Variants in LIPN observed in about 807,000 individuals in gnomAD.
LIPN encodes the protein lipase family member N, also known as lipase member N.
LIPN carries 32 observed loss-of-function variants against 43.7 expected under a neutral mutation model. That is an observed-to-expected ratio of 0.73 (90% CI 0.55 to 0.98). The LOEUF (loss-of-function observed/expected upper bound fraction) is 0.98. Among genes scored for constraint, LIPN ranks in the 50% least tolerant of loss-of-function variants. The pLI, the probability that LIPN is intolerant of heterozygous loss-of-function variation, is 0.00. For synonymous variants in LIPN, 156 were observed against 157.6 expected, an observed-to-expected ratio of 0.99 and a Z score of 0.08; for missense variants, 505 against 483.8, an observed-to-expected ratio of 1.04 and a Z score of -0.41.
intron 9 of LIPN, among the ~76,000 whole-genome samples, chr10:88,776,127 G>A (rs1234984974): frequency 6.6e-6 from 1 of 151,878 alleles, no homozygotes; most frequent in Non-Finnish European, 1.5e-5. Context: ...TCTAAATATA[G>A]GACGTTTATA....
intron 5 of LIPN, among the ~76,000 whole-genome samples, chr10:88,767,049 G>A (rs1004428477): frequency 1.4e-4 from 22 of 151,936 alleles, no homozygotes; most frequent in Non-Finnish European, 5.9e-5. Flanking sequence ...AGGTATTTTG[G>A]AAAGAAATCA....
intron 3 of LIPN, among the ~76,000 whole-genome samples, chr10:88,763,029 A>C (rs905152223): frequency 2.0e-5 from 3 of 152,038 alleles, no homozygotes; most frequent in Admixed American, 6.6e-5. Context: ...GCAGCTGCTT[A>C]CCGTGTTCAT....
intron 4 of LIPN, among the ~76,000 whole-genome samples, chr10:88,765,951 G>A (rs1262183675): frequency 6.6e-6 from 1 of 151,894 alleles, no homozygotes; most frequent in African/African-American, 2.4e-5. Flanking sequence ...GGAGTCAGAA[G>A]TAGAGGCACA....
chr10:88,760,785 T>C (rs1161620437), intron 1 of LIPN, among the ~76,000 whole-genome samples: 1 of 152,148 alleles, frequency 6.6e-6, no homozygotes, highest in Non-Finnish European at 1.5e-5. Context: ...CATTTGACTG[T>C]AGCACTTATA....
chr10:88,771,958 G>T (rs1187838609), intron 7 of LIPN, among the ~76,000 whole-genome samples: 2 of 151,794 alleles, frequency 1.3e-5, no homozygotes, highest in Non-Finnish European at 2.9e-5. Flanking sequence ...TTTAACTGGA[G>T]TGAGATAGTA....
At chr10:88,757,556 C>A (rs1842941504), upstream of LIPN, among the ~76,000 whole-genome samples, 1 of 152,086 alleles carries the variant, frequency 6.6e-6, no homozygotes, top group Non-Finnish European at 1.5e-5. Flanking sequence ...TTTGTCACTT[C>A]TCTCTTCTAT....
intron 7 of LIPN, among the ~76,000 whole-genome samples, chr10:88,773,088 A>G (rs1843237684): frequency 6.6e-6 from 1 of 151,896 alleles, no homozygotes; most frequent in African/African-American, 2.4e-5. Flanking sequence ...AAAACAATCT[A>G]CAGATTCAAT....
At chr10:88,775,306 TTA>T in intron 9 of LIPN, 143 bp downstream of exon 9, 1 of 424,098 alleles carries the variant, frequency 2.4e-6, no homozygotes, top group Admixed American at 4.1e-5. Context: ...AATTTTAATT[TTA>T]ATTTATTTCA....
At chr10:88,774,909 G>A (rs866029039) in intron 8 of LIPN, among the ~76,000 whole-genome samples, 183 bp from the exon 9 acceptor site, 16 of 151,740 alleles carry the variant, frequency 1.1e-4, no homozygotes, top group African/African-American at 3.9e-4. Flanking sequence ...TTTAAACCAA[G>A]GGGGGTATTG....
chr10:88,762,728 C>T (rs977007240), intron 3 of LIPN, among the ~76,000 whole-genome samples: 3 of 152,054 alleles, frequency 2.0e-5, no homozygotes, highest in Admixed American at 6.6e-5. Context: ...ATTAAGGGGC[C>T]TCCCTCTGCA....
chr10:88,768,397 G>A (rs980480180), intron 5 of LIPN, among the ~76,000 whole-genome samples: 1 of 151,900 alleles, frequency 6.6e-6, no homozygotes, highest in African/African-American at 2.4e-5. Flanking sequence ...TTCACCTCCT[G>A]TGACTGATTA....
upstream of LIPN, among the ~76,000 whole-genome samples, chr10:88,759,275 G>A (rs1842963923): frequency 6.6e-6 from 1 of 152,086 alleles, no homozygotes; most frequent in Admixed American, 6.6e-5. Context: ...ATATTATGCT[G>A]GGTAGCAACT....
chr10:88,759,712 G>T (rs1842969115), upstream of LIPN, among the ~76,000 whole-genome samples: 1 of 152,048 alleles, frequency 6.6e-6, no homozygotes, highest in Admixed American at 6.6e-5. Flanking sequence ...GGGGAAGGGA[G>T]ATACTATTGT....
intron 6 of LIPN, 105 bp downstream of exon 6, chr10:88,769,033 T>A (rs1843160800): frequency 1.8e-6 from 2 of 1,141,770 alleles, no homozygotes; most frequent in South Asian, 3.0e-5. Context: ...TTAGATAAAA[T>A]CTATAGAACT....
chr10:88,771,441 AC>A (rs1843208027), intron 7 of LIPN, among the ~76,000 whole-genome samples: 1 of 151,778 alleles, frequency 6.6e-6, no homozygotes, highest in East Asian at 1.9e-4. Flanking sequence ...GCCTCTGGTA[AC>A]CATCATTCTT....
At chr10:88,771,128 A>G (rs1427861743) in intron 7 of LIPN, 137 bp downstream of exon 7, 1 of 672,684 alleles carries the variant, frequency 1.5e-6, no homozygotes, top group Non-Finnish European at 2.4e-6. Context: ...TTTTGCTTTT[A>G]AAAATGTTTA....
In LIPN at chr10:88,779,253, T is replaced by G. The variant is rs1291532490; in HGVS notation, c.*1011T>G. Among the ~76,000 whole-genome samples the G allele has an allele frequency of 2.6e-5, 4 of 152,244 alleles. No homozygotes were observed. The highest frequency in any genetic ancestry group is 9.6e-5 in the African/African-American group (4 of 41,476). On this transcript the variant is annotated 3_prime_UTR_variant, in exon 10 of 10. Transcript: ENST00000404459. ...CTGTAAATCTGATCAAGTGTTCTGA[T>G]GCAGGCTGATATCCTTCTGTGCTAA...
At chr10:88,758,328 T>G (rs1040871493), upstream of LIPN, among the ~76,000 whole-genome samples, 18 of 150,496 alleles carry the variant, frequency 1.2e-4, no homozygotes, top group Admixed American at 1.1e-3. Flanking sequence ...TTCTGAAAGG[T>G]TACCCCTTTC....
intron 5 of LIPN, among the ~76,000 whole-genome samples, chr10:88,767,577 A>T (rs2134840721): frequency 7.0e-6 from 1 of 142,474 alleles, no homozygotes; most frequent in African/African-American, 2.6e-5. Flanking sequence ...GGTGTAGAGA[A>T]GAAGAAATGA....
Sources: allele counts gnomAD v4.1 joint callset (sites outside exome capture counted in the v4.1 genomes callset), GRCh38; gene constraint gnomAD v4.1.1; transcripts MANE v1.5; gene names NCBI Gene and HGNC (gene_info 2026-07-23, HGNC 2026-07-21).